GSG1L: variants seen among roughly 807,000 people sequenced by gnomAD.
GSG1L encodes the protein germ cell-specific gene 1-like protein.
Under a neutral mutation model 42.1 loss-of-function variants are expected in GSG1L, and 24 were observed. That is an observed-to-expected ratio of 0.57 (90% CI 0.41 to 0.80). The LOEUF is 0.80. Ranked by LOEUF, GSG1L falls within the 30% of genes least tolerant of loss-of-function variation. The pLI, the probability that GSG1L is intolerant of heterozygous loss-of-function variation, is 0.00. For synonymous variants in GSG1L, 215 were observed against 203.5 expected, an observed-to-expected ratio of 1.06 and a Z score of -0.48; for missense variants, 445 against 472.2, an observed-to-expected ratio of 0.94 and a Z score of 0.53.
At chr16:27,993,545 G>C (rs2085476848) in intron 1 of GSG1L, among the ~76,000 whole-genome samples, 1 of 152,160 alleles carries the variant, frequency 6.6e-6, no homozygotes, top group African/African-American at 2.4e-5. Context: ...CCCAAGGAGA[G>C]GGACTCTGCC....
chr16:27,792,210 C>T (rs985492838), intron 6 of GSG1L, among the ~76,000 whole-genome samples: 13 of 152,098 alleles, frequency 8.5e-5, no homozygotes, highest in Non-Finnish European at 5.9e-5. Context: ...CTGTTGTGTA[C>T]GGATATTAGA....
chr16:28,049,280 A>G (rs986663651), intron 1 of GSG1L, among the ~76,000 whole-genome samples: 1 of 152,234 alleles, frequency 6.6e-6, no homozygotes, highest in Non-Finnish European at 1.5e-5. Flanking sequence ...AAGGAATACT[A>G]TGCTAAATAG....
rs532937111 is a variant in GSG1L, at chr16:27,828,716, C to T, written c.830+73G>A. 82 of 1,440,718 alleles carry T rather than the reference C, an allele frequency of 5.7e-5. 1 individual carries two copies. The highest frequency in any genetic ancestry group is 3.8e-4 in the South Asian group (29 of 76,658). The allele number at this position is 1,440,718 out of a possible 1,614,324, so 89.2% of individuals were successfully genotyped here. Reference sequence around the variant, plus strand: ...TTCATTCCAGTTTTTGACTGGGGCCCGGTGGCCACTGAGGCCAGGCCGTGG... The same window carrying T: ...TTCATTCCAGTTTTTGACTGGGGCCTGGTGGCCACTGAGGCCAGGCCGTGG... On this transcript the variant is annotated intron_variant, in intron 5 of 6. Transcript: ENST00000447459.
intron 3 of GSG1L, among the ~76,000 whole-genome samples, chr16:27,868,093 C>T (rs2083755145): frequency 6.6e-6 from 1 of 152,062 alleles, no homozygotes; most frequent in Non-Finnish European, 1.5e-5. Flanking sequence ...CTACTTGGCC[C>T]TGTGCCTGGG....
intron 1 of GSG1L, among the ~76,000 whole-genome samples, chr16:28,022,290 C>A (rs1010338074): frequency 6.6e-6 from 1 of 151,920 alleles, no homozygotes; most frequent in Non-Finnish European, 1.5e-5. Flanking sequence ...ATCATTAAAT[C>A]GTAAATCATC....
chr16:28,020,928 TGCA>T (rs1415660572), intron 1 of GSG1L, among the ~76,000 whole-genome samples: 1 of 152,186 alleles, frequency 6.6e-6, no homozygotes. Flanking sequence ...TCACACCTAC[TGCA>T]GCCTCCTGAG....
chr16:27,985,589 A>G (rs2085373191), intron 1 of GSG1L, among the ~76,000 whole-genome samples: 1 of 152,082 alleles, frequency 6.6e-6, no homozygotes, highest in Non-Finnish European at 1.5e-5. Context: ...CATGCCTGTA[A>G]TCTCAGCACT....
chr16:27,966,226 CCAT>C (rs1252240231), intron 1 of GSG1L, among the ~76,000 whole-genome samples: 8 of 152,360 alleles, frequency 5.3e-5, no homozygotes, highest in Admixed American at 5.2e-4. Context: ...CTGACACTCT[CCAT>C]CTTCCTTCTG....
intron 2 of GSG1L, among the ~76,000 whole-genome samples, chr16:27,908,363 G>A (rs2084344295): frequency 6.6e-6 from 1 of 152,206 alleles, no homozygotes; most frequent in South Asian, 2.1e-4. Context: ...ACCTCTGAAG[G>A]TTGTGATCAG....
Position 28,063,552 on chromosome 16 carries a change from G to T in GSG1L, c.-128C>A. The T allele has an allele frequency of 2.5e-6, 1 of 399,678 alleles. No homozygotes were observed. The highest frequency in any genetic ancestry group is 3.5e-6 in the Non-Finnish European group (1 of 287,990). The allele number at this position is 399,678 out of a possible 1,614,324, so 24.8% of individuals were successfully genotyped here. On this transcript the variant is annotated 5_prime_UTR_variant, in exon 1 of 7. Coordinates refer to ENST00000447459, the MANE Select transcript of GSG1L (RefSeq NM_001109763.2). The surrounding 1 kb of genome is among the most constrained non-coding windows in gnomAD (Gnocchi z 5.8). The stretch of plus-strand genomic sequence containing the variant: ...GGCTCGGGTGCCTGAGATCGGCGGC[G>T]GCGGACGCGGCGCGGGCCCATGCCC...
At chr16:27,792,535 A>C (rs1008269782) in intron 6 of GSG1L, among the ~76,000 whole-genome samples, 6 of 152,134 alleles carry the variant, frequency 3.9e-5, no homozygotes, top group Non-Finnish European at 2.9e-5. Context: ...CTGTGGCCTA[A>C]AATGTCCTTG....
intron 1 of GSG1L, among the ~76,000 whole-genome samples, chr16:28,039,635 G>A (rs770802851): frequency 2.0e-5 from 3 of 149,808 alleles, no homozygotes; most frequent in Middle Eastern, 3.6e-3. Flanking sequence ...ATGTACGTGC[G>A]TGCACACACA....
chr16:27,803,099 C>T (rs2082901833), intron 6 of GSG1L, among the ~76,000 whole-genome samples: 1 of 152,034 alleles, frequency 6.6e-6, no homozygotes, highest in South Asian at 2.1e-4. Flanking sequence ...AGTCAGGGAC[C>T]CCATGCCCCT....
At chr16:27,985,915 G>A (rs1414037880) in intron 1 of GSG1L, among the ~76,000 whole-genome samples, 1 of 152,106 alleles carries the variant, frequency 6.6e-6, no homozygotes, top group African/African-American at 2.4e-5. Flanking sequence ...AGGAAAAGGT[G>A]CCACTCACCC....
chr16:27,909,955 CTTTTTTTTT>C (rs67729209), intron 2 of GSG1L, among the ~76,000 whole-genome samples: 3 of 129,928 alleles, frequency 2.3e-5, no homozygotes, highest in Admixed American at 7.7e-5. Context: ...TCTTTTCTTT[CTTTTTTTTT>C]TTTTTTTTTT....
At chr16:27,889,968 C>T (rs1047629429) in intron 2 of GSG1L, among the ~76,000 whole-genome samples, 2 of 152,204 alleles carry the variant, frequency 1.3e-5, no homozygotes, top group African/African-American at 4.8e-5. Context: ...AGGGATTAAG[C>T]AACTGCTCTA....
chr16:28,037,403 T>A (rs74016615), intron 1 of GSG1L, among the ~76,000 whole-genome samples: 2,215 of 152,316 alleles, frequency 0.015, 50 homozygotes, highest in African/African-American at 0.051. Context: ...CAGCCTCAGT[T>A]TCCTCGTGGA....
intron 4 of GSG1L, among the ~76,000 whole-genome samples, chr16:27,830,640 G>C (rs1024956708): frequency 6.6e-6 from 1 of 152,134 alleles, no homozygotes; most frequent in Non-Finnish European, 1.5e-5. Flanking sequence ...GAGCTTCCCT[G>C]TCCACCAAAG....
intron 2 of GSG1L, among the ~76,000 whole-genome samples, chr16:27,889,134 C>T (rs1342210568): frequency 6.6e-6 from 1 of 152,066 alleles, no homozygotes; most frequent in Non-Finnish European, 1.5e-5. Flanking sequence ...AAGGTAAGTG[C>T]CACCATGCCC....
Sources: allele counts gnomAD v4.1 joint callset (sites outside exome capture counted in the v4.1 genomes callset), GRCh38; gene constraint gnomAD v4.1.1; non-coding constraint Gnocchi (gnomAD v3.1); transcripts MANE v1.5; gene names NCBI Gene and HGNC (gene_info 2026-07-23, HGNC 2026-07-21).